Variants in ZUP1 observed in about 807,000 individuals in gnomAD.
ZUP1 encodes the protein zinc finger-containing ubiquitin peptidase 1.
ZUP1 carries 55 observed loss-of-function variants against 68.1 expected under a neutral mutation model. The ratio of observed to expected loss-of-function variants is 0.81; its 90% CI spans 0.65 to 1.01. The LOEUF is 1.01. ZUP1 is among the 50% of genes least tolerant of loss of function. The pLI, the probability that ZUP1 is intolerant of heterozygous loss-of-function variation, is 0.00. For missense variants in ZUP1, 684 were observed against 674.9 expected, an observed-to-expected ratio of 1.01 and a Z score of -0.15; for synonymous variants, 223 against 221.5, an observed-to-expected ratio of 1.01 and a Z score of -0.06.
intron 1 of ZUP1, 63 bp downstream of exon 1, chr6:116,668,503 C>A (rs1051770665): frequency 1.3e-5 from 2 of 152,392 alleles, no homozygotes; most frequent in African/African-American, 4.8e-5. Context: ...ACGAAACTAG[C>A]AGGCACTAAC....
chr6:116,648,768 C>T (rs1435824972), intron 7 of ZUP1, among the ~76,000 whole-genome samples: 10 of 151,788 alleles, frequency 6.6e-5, no homozygotes, highest in Non-Finnish European at 1.5e-4. Context: ...TCAAGACCAG[C>T]CTGGACAACA....
At position 116,649,261 on chromosome 6, in the gene ZUP1, A is replaced by T. The variant is rs1329174606; in HGVS notation, c.1317-1651T>A. ...TACACTGGTTAAATAACTTAGAAAC[A>T]AACATAAAAGAAAATATAAAGCCAT... On this transcript the variant is annotated intron_variant, in intron 7 of 9. Transcript: ENST00000368576. Among the ~76,000 whole-genome samples, 3 of 152,308 alleles carry T rather than the reference A, an allele frequency of 2.0e-5. No individual in the cohort carries two copies. In the East Asian group the frequency reaches 5.8e-4, roughly 29 times the overall value.
intron 9 of ZUP1, among the ~76,000 whole-genome samples, chr6:116,645,171 A>G (rs2115388073): frequency 6.6e-6 from 1 of 152,296 alleles, no homozygotes; most frequent in East Asian, 1.9e-4. Context: ...ATGAAGCTCT[A>G]AGTATAAAAA....
intron 2 of ZUP1, among the ~76,000 whole-genome samples, chr6:116,661,377 A>G (rs183729283): frequency 4.6e-5 from 7 of 152,286 alleles, no homozygotes; most frequent in Non-Finnish European, 1.0e-4. Flanking sequence ...AATAATAAAT[A>G]TTCAGATCTG....
At chr6:116,643,763 A>G (rs1212052484) in intron 9 of ZUP1, among the ~76,000 whole-genome samples, 2 of 152,264 alleles carry the variant, frequency 1.3e-5, no homozygotes, top group African/African-American at 4.8e-5. Context: ...ATTACCATTC[A>G]GCACATAGGC....
At chr6:116,654,368 AT>A (rs1212168284) in intron 5 of ZUP1, among the ~76,000 whole-genome samples, 1 of 152,036 alleles carries the variant, frequency 6.6e-6, no homozygotes, top group Non-Finnish European at 1.5e-5. Context: ...AAGGACTGTT[AT>A]AAACAAGGAG....
intron 9 of ZUP1, among the ~76,000 whole-genome samples, chr6:116,642,162 A>C (rs947915022): frequency 6.6e-6 from 1 of 152,106 alleles, no homozygotes; most frequent in African/African-American, 2.4e-5. Context: ...TGAATAGACC[A>C]ATAACAGGAT....
intron 7 of ZUP1, among the ~76,000 whole-genome samples, chr6:116,650,422 C>CAAAAAAAAAAAAAAAAA (rs61692064): frequency 2.1e-5 from 1 of 46,552 alleles, no homozygotes; most frequent in Non-Finnish European, 3.9e-5. Flanking sequence ...AACTCCGTCT[C>CAAAAAAAAAAAAAAAAA]AAAAAAAAAA....
chr6:116,637,174 T>C (rs1398311817), intron 9 of ZUP1, among the ~76,000 whole-genome samples: 8 of 152,174 alleles, frequency 5.3e-5, no homozygotes, highest in African/African-American at 1.7e-4. Flanking sequence ...AGAGGCAATA[T>C]AGGGCTCCAG....
rs1274234453 is a variant in ZUP1 at position 116,663,797 on chromosome 6, AT to A, written c.559+2836del. Among the ~76,000 whole-genome samples the A allele has an allele frequency of 1.3e-3, 203 of 151,634 alleles. 1 individual carries two copies. The highest frequency in any genetic ancestry group is 4.8e-3 in the African/African-American group (198 of 41,166). ...TTCTATTAAATATTAAAAAAAAAAA[AT>A]TAGCTGGGCGTGGTGGTGCAGGCCT... is the stretch of plus-strand genomic sequence containing the variant. On this transcript the variant is annotated intron_variant, in intron 2 of 9. Coordinates refer to ENST00000368576, the MANE Select transcript of ZUP1 (RefSeq NM_145062.3).
intron 5 of ZUP1, among the ~76,000 whole-genome samples, chr6:116,653,263 A>C (rs1665120757): frequency 6.6e-6 from 1 of 151,956 alleles, no homozygotes; most frequent in South Asian, 2.1e-4. Flanking sequence ...TTGTGTCCCC[A>C]AGGTACCAGC....
At chr6:116,642,973 A>T (rs1776166992) in intron 9 of ZUP1, among the ~76,000 whole-genome samples, 1 of 152,252 alleles carries the variant, frequency 6.6e-6, no homozygotes, top group Non-Finnish European at 1.5e-5. Flanking sequence ...TAAGTTGATA[A>T]GCAACTTCAG....
intron 2 of ZUP1, among the ~76,000 whole-genome samples, chr6:116,665,898 TTCTTA>T (rs1776993838): frequency 1.3e-5 from 2 of 151,900 alleles, no homozygotes; most frequent in Middle Eastern, 6.8e-3. Context: ...GCTCCACAAA[TTCTTA>T]AAGTTCAACA....
intron 9 of ZUP1, among the ~76,000 whole-genome samples, chr6:116,643,165 C>G (rs1405668984): frequency 6.6e-6 from 1 of 152,144 alleles, no homozygotes. Context: ...GAACTACAAA[C>G]CACCGCTCAA....
At chr6:116,643,852 C>T (rs1776201106) in intron 9 of ZUP1, among the ~76,000 whole-genome samples, 4 of 152,194 alleles carry the variant, frequency 2.6e-5, no homozygotes, top group Admixed American at 2.0e-4. Flanking sequence ...TCTAATTAAA[C>T]TACAGAGCTT....
At chr6:116,638,238 C>A (rs1775963717) in intron 9 of ZUP1, among the ~76,000 whole-genome samples, 1 of 152,068 alleles carries the variant, frequency 6.6e-6, no homozygotes, top group Admixed American at 6.5e-5. Flanking sequence ...GGAAATAAAT[C>A]AATGTGAAGT....
chr6:116,667,111 C>T lies in ZUP1; in HGVS notation c.82G>A (p.Glu28Lys). ...AACTTGCAAAATGGACATATAATTT[C>T]ACTTTCCATGTGAACAATTAGGTGA... ...KAHLIVHMES[E>K]IICPFCKLSG... is the part of the protein sequence containing the mutation. The change falls in exon 2 of 10, where the codon GAA (glutamate) becomes AAA (lysine). Residue 28 changes from glutamate (E) to lysine (K), a missense_variant. Coordinates refer to ENST00000368576, the MANE Select transcript of ZUP1 (RefSeq NM_145062.3). The T allele has an allele frequency of 1.2e-6, 2 of 1,613,578 alleles. No homozygotes were observed. The highest frequency in any genetic ancestry group is 1.1e-5 in the South Asian group (1 of 90,998).
At chr6:116,654,426 A>G (rs1776604642) in intron 5 of ZUP1, among the ~76,000 whole-genome samples, 1 of 152,012 alleles carries the variant, frequency 6.6e-6, no homozygotes, top group Non-Finnish European at 1.5e-5. Flanking sequence ...CAACATACAC[A>G]TGCAAATAAA....
At position 116,667,106 on chromosome 6, in the gene ZUP1, A is replaced by G; in HGVS notation, c.87T>C (p.Ile29=). 1 of 1,613,628 alleles carries G rather than the reference A, an allele frequency of 6.2e-7. No individual in the cohort carries two copies. Residue 29 remains isoleucine (I), a synonymous_variant, in exon 2 of 10, where the codon ATT becomes ATC. Transcript: ENST00000368576. ...AHLIVHMESE[I]ICPFCKLSGV... is the part of the protein sequence containing the mutation. Reference sequence around the variant, plus strand: ...CTGACAACTTGCAAAATGGACATATAATTTCACTTTCCATGTGAACAATTA... The same window carrying G: ...CTGACAACTTGCAAAATGGACATATGATTTCACTTTCCATGTGAACAATTA...
Sources: allele counts gnomAD v4.1 joint callset (sites outside exome capture counted in the v4.1 genomes callset), GRCh38; gene constraint gnomAD v4.1.1; transcripts MANE v1.5; gene names NCBI Gene and HGNC (gene_info 2026-07-23, HGNC 2026-07-21).